The following ADAMTSL1 variants were observed in gnomAD, a reference collection of about 807,000 sequenced individuals.
ADAMTSL1 encodes ADAMTS like 1.
ADAMTSL1 carries 126 observed loss-of-function variants against 201.8 expected under a neutral mutation model. The ratio of observed to expected loss-of-function variants is 0.62; its 90% CI spans 0.54 to 0.72. The LOEUF (loss-of-function observed/expected upper bound fraction) is 0.72, where lower values mean the gene tolerates loss of function less well. Among genes scored for constraint, ADAMTSL1 ranks in the 30% least tolerant of loss-of-function variants. The probability of loss-of-function intolerance (pLI) is 0.00; values close to 1 mark genes in which losing one functional copy is unlikely to be tolerated. For synonymous variants in ADAMTSL1, 1,121 were observed against 903.4 expected, an observed-to-expected ratio of 1.24 and a Z score of -4.32; for missense variants, 2,679 against 2,277.8, an observed-to-expected ratio of 1.18 and a Z score of -3.59.
chr9:18,318,460 C>T (rs1202562100), intron 2 of ADAMTSL1, among the ~76,000 whole-genome samples: 2 of 152,192 alleles, frequency 1.3e-5, no homozygotes, highest in Non-Finnish European at 2.9e-5. Context: ...CAGTAATCTA[C>T]GTTTCAGCAA....
intron 4 of ADAMTSL1, among the ~76,000 whole-genome samples, chr9:18,618,168 A>T (rs893906724): frequency 2.6e-5 from 4 of 152,224 alleles, no homozygotes; most frequent in Admixed American, 1.3e-4. Flanking sequence ...GCAGAGGTTT[A>T]GGTTTAGCCT....
At chr9:18,221,905 T>C (rs1830273980) in intron 2 of ADAMTSL1, among the ~76,000 whole-genome samples, 1 of 152,094 alleles carries the variant, frequency 6.6e-6, no homozygotes, top group Admixed American at 6.5e-5. Flanking sequence ...TTTCCCACCA[T>C]TATGACAAAT....
chr9:18,419,702 T>C (rs187533135), intron 2 of ADAMTSL1, among the ~76,000 whole-genome samples: 73 of 151,448 alleles, frequency 4.8e-4, no homozygotes, highest in Non-Finnish European at 9.1e-4. Context: ...TGTCAAAAAA[T>C]TGCACACTGT....
Position 17,943,251 on chromosome 9 carries a change from C to T in ADAMTSL1, c.87+36329C>T, listed in dbSNP as rs375988470. Among the ~76,000 whole-genome samples the T allele has an allele frequency of 5.6e-4, 85 of 152,176 alleles. 1 individual carries two copies. The South Asian group carries it at 0.016, about 29-fold the overall frequency. ...GCCACTGAACCCAGCCTGCAATGTA[C>T]TTAAGAGTTTATAGTAACAGTGTTC... is the stretch of plus-strand genomic sequence containing the variant. On this transcript the variant is annotated intron_variant, in intron 1 of 29. Coordinates refer to the ADAMTSL1 transcript ENST00000680146.
At chr9:18,630,401 G>C (rs1334832227) in intron 5 of ADAMTSL1, among the ~76,000 whole-genome samples, 1 of 152,174 alleles carries the variant, frequency 6.6e-6, no homozygotes, top group Non-Finnish European at 1.5e-5. Flanking sequence ...TTAGTATGCT[G>C]CTGGCTACTT....
intron 1 of ADAMTSL1, among the ~76,000 whole-genome samples, chr9:17,943,476 C>T (rs1827325839): frequency 6.6e-6 from 1 of 151,994 alleles, no homozygotes; most frequent in African/African-American, 2.4e-5. Flanking sequence ...ATAATCTTTC[C>T]CGAACCTTGT....
At chr9:17,989,243 A>C (rs973236954) in intron 1 of ADAMTSL1, among the ~76,000 whole-genome samples, 1 of 151,826 alleles carries the variant, frequency 6.6e-6, no homozygotes, top group African/African-American at 2.4e-5. Flanking sequence ...ACAAATTCTC[A>C]TCTTCTTATG....
At chr9:18,722,342 G>A (rs1833445040) in intron 15 of ADAMTSL1, among the ~76,000 whole-genome samples, 1 of 152,076 alleles carries the variant, frequency 6.6e-6, no homozygotes, top group South Asian at 2.1e-4. Context: ...TCATCTATGG[G>A]TTTGGAAGGG....
chr9:18,721,940 C>T (rs993632837), intron 15 of ADAMTSL1, among the ~76,000 whole-genome samples: 7 of 152,170 alleles, frequency 4.6e-5, no homozygotes, highest in Admixed American at 2.6e-4. Context: ...CAGTTGCTTT[C>T]CCCTAAAGGG....
intron 1 of ADAMTSL1, among the ~76,000 whole-genome samples, chr9:18,061,020 C>T (rs75105279): frequency 2.6e-5 from 4 of 152,070 alleles, no homozygotes; most frequent in Admixed American, 1.3e-4. Context: ...CAGTTTTCTG[C>T]GACTCAGAGT....
At chr9:18,178,116 G>A (rs961805883) in intron 2 of ADAMTSL1, among the ~76,000 whole-genome samples, 9 of 152,310 alleles carry the variant, frequency 5.9e-5, no homozygotes, top group African/African-American at 9.6e-5. Flanking sequence ...CTGAGGTAGC[G>A]GGTTCATCTC....
At chr9:18,295,799 A>G (rs1833456626) in intron 2 of ADAMTSL1, among the ~76,000 whole-genome samples, 1 of 152,190 alleles carries the variant, frequency 6.6e-6, no homozygotes, top group African/African-American at 2.4e-5. Flanking sequence ...ATTAGATAAA[A>G]TCTGTAATGA....
chr9:18,209,324 T>C (rs1829777969), intron 2 of ADAMTSL1, among the ~76,000 whole-genome samples: 1 of 152,196 alleles, frequency 6.6e-6, no homozygotes, highest in Non-Finnish European at 1.5e-5. Flanking sequence ...ACCTTCACTA[T>C]TGTTCTGGTG....
At chr9:18,415,703 A>C (rs1818643771) in intron 2 of ADAMTSL1, among the ~76,000 whole-genome samples, 1 of 152,064 alleles carries the variant, frequency 6.6e-6, no homozygotes, top group African/African-American at 2.4e-5. Flanking sequence ...GAATCTCAAC[A>C]AACTCTAAGG....
intron 3 of ADAMTSL1, among the ~76,000 whole-genome samples, chr9:18,571,602 A>T (rs1822306260): frequency 6.6e-6 from 1 of 152,162 alleles, no homozygotes; most frequent in African/African-American, 2.4e-5. Flanking sequence ...GGATCATATA[A>T]AGGTAGGTTT....
rs181320106 is a variant in ADAMTSL1 at position 18,886,462 on chromosome 9, G to T, written c.4250-1369G>T. Among the ~76,000 whole-genome samples, 90 of 152,132 alleles carry T rather than the reference G, an allele frequency of 5.9e-4. 1 individual carries two copies. The highest frequency in any genetic ancestry group is 1.5e-5 in the Non-Finnish European group (1 of 68,000). ...ACCCACACATCCACAGAGGGTAGCCGCCTGTCTTAGTCCAGTCAGGCTGAT... is the reference window on the plus strand; with the variant it reads ...ACCCACACATCCACAGAGGGTAGCCTCCTGTCTTAGTCCAGTCAGGCTGAT... On this transcript the variant is annotated intron_variant, in intron 23 of 28. Transcript: ENST00000380548.
intron 20 of ADAMTSL1, among the ~76,000 whole-genome samples, chr9:18,815,482 A>G (rs901268778): frequency 2.0e-5 from 3 of 151,622 alleles, no homozygotes; most frequent in Non-Finnish European, 4.4e-5. Context: ...CCCAGCCAGG[A>G]GTTTGAAACT....
intron 2 of ADAMTSL1, among the ~76,000 whole-genome samples, chr9:18,200,893 T>G (rs1183071131): frequency 6.6e-6 from 1 of 151,994 alleles, no homozygotes; most frequent in African/African-American, 2.4e-5. Flanking sequence ...TTCAGTATAC[T>G]TTTTTGCAGA....
At chr9:18,029,797 C>T (rs546906167) in intron 1 of ADAMTSL1, among the ~76,000 whole-genome samples, 13 of 152,232 alleles carry the variant, frequency 8.5e-5, no homozygotes, top group Admixed American at 2.0e-4. Flanking sequence ...CATGAAAAAA[C>T]GCTCTTCATC....
Sources: allele counts gnomAD v4.1 joint callset (sites outside exome capture counted in the v4.1 genomes callset), GRCh38; gene constraint gnomAD v4.1.1; transcripts MANE v1.5; gene names NCBI Gene and HGNC (gene_info 2026-07-23, HGNC 2026-07-21).